PAM: variants seen among roughly 807,000 people sequenced by gnomAD.
PAM encodes the protein peptidylglycine alpha-amidating monooxygenase, also known as peptidyl-glycine alpha-amidating monooxygenase.
In PAM, 72 loss-of-function variants were observed where a neutral mutation model predicts 122.1. That is an observed-to-expected ratio of 0.59 (90% CI 0.49 to 0.72). PAM has a LOEUF of 0.72. PAM is among the 30% of genes least tolerant of loss of function. PAM has a pLI of 0.00. For synonymous variants in PAM, 389 were observed against 404.4 expected, an observed-to-expected ratio of 0.96 and a Z score of 0.46; for missense variants, 1,106 against 1,183.7, an observed-to-expected ratio of 0.93 and a Z score of 0.96.
chr5:102,837,520 A>G lies in PAM; in HGVS notation c.-373-28303A>G, dbSNP rs553835141. Among the ~76,000 whole-genome samples, 3 of 152,344 alleles carry G rather than the reference A, an allele frequency of 2.0e-5. No homozygotes were observed. The South Asian group carries it at 6.2e-4, about 32-fold the overall frequency. On this transcript the variant is annotated intron_variant, in intron 1 of 25. Transcript: ENST00000438793. ...CTTTTATGATAACTTCAACCCACAA[A>G]TATTTCCTCTCCTTTCTGATACCTA...
In PAM at chr5:102,774,533, C is replaced by T. The variant is rs115210658; in HGVS notation, c.-374+19185C>T. ...ATGGAATTAGAAAGCAGATAGAAAG[C>T]AGACATACAACAGTAAAAGCCATGT... On this transcript the variant is annotated intron_variant, in intron 1 of 25. Transcript: ENST00000438793. Among the ~76,000 whole-genome samples the T allele has an allele frequency of 6.3e-3, 955 of 152,158 alleles. 6 individuals are homozygous for T. Among genetic ancestry groups the T allele is most frequent in the African/African-American group, 0.021 (867 of 41,542 alleles).
chr5:102,822,716 C>A (rs1485495285), intron 1 of PAM, among the ~76,000 whole-genome samples: 2 of 152,148 alleles, frequency 1.3e-5, no homozygotes, highest in South Asian at 4.1e-4. Context: ...AAGGAAGGGG[C>A]AGCAGGGAAG....
chr5:102,950,847 A>G (rs1758630863), intron 12 of PAM, 27 bp downstream of exon 12: 1 of 1,315,550 alleles, frequency 7.6e-7, no homozygotes, highest in South Asian at 1.2e-5. Context: ...TCCACTATTT[A>G]AAGATATTTT....
At position 102,852,272 on chromosome 5, in the gene PAM, CTTTAT is replaced by C. The variant is rs540420708; in HGVS notation, c.-373-13547_-373-13543del. Among the ~76,000 whole-genome samples the C allele has an allele frequency of 1.1e-3, 164 of 152,150 alleles. 1 individual carries two copies. The highest frequency in any genetic ancestry group is 3.7e-3 in the African/African-American group (153 of 41,512). On this transcript the variant is annotated intron_variant, in intron 1 of 25. Transcript: ENST00000438793. ...ATGGGGACTACTGATTATTTTAAAGCTTTATTTTGTCAATGGAATTTTACAGGTTT... is the reference window on the plus strand; with the variant it reads ...ATGGGGACTACTGATTATTTTAAAGCTTTGTCAATGGAATTTTACAGGTTT...
intron 1 of PAM, among the ~76,000 whole-genome samples, chr5:102,849,383 C>T (rs1780780862): frequency 1.3e-5 from 2 of 151,776 alleles, no homozygotes; most frequent in South Asian, 2.1e-4. Flanking sequence ...ACAGTGAAAC[C>T]CTGTCTCTAC....
intron 15 of PAM, among the ~76,000 whole-genome samples, chr5:102,979,577 G>A (rs907452702): frequency 6.6e-5 from 10 of 152,052 alleles, no homozygotes; most frequent in Admixed American, 3.3e-4. Context: ...GAAGAGCCTT[G>A]TTACACTGAA....
rs575832426 is a variant in PAM at position 102,782,182 on chromosome 5, C to T, written c.-374+26834C>T. ...TGTTTTCTTCAAAGAGTAAATCATA[C>T]CTCACACTTCTCCAACATTTACACC... On this transcript the variant is annotated intron_variant, in intron 1 of 25. Coordinates refer to ENST00000438793, the MANE Select transcript of PAM (RefSeq NM_001177306.2). Among the ~76,000 whole-genome samples, 6 of 152,330 alleles carry T rather than the reference C, an allele frequency of 3.9e-5. No individual in the cohort carries two copies. The South Asian group carries it at 1.2e-3, about 32-fold the overall frequency.
intron 3 of PAM, among the ~76,000 whole-genome samples, chr5:102,879,414 G>A (rs114532441): frequency 9.0e-4 from 137 of 152,262 alleles, no homozygotes; most frequent in African/African-American, 3.2e-3. Flanking sequence ...CCCTGCCTAA[G>A]TCTCATGTCA....
chr5:102,925,208 G>C lies in PAM; in HGVS notation c.442+166G>C, dbSNP rs189786472. Among the ~76,000 whole-genome samples the C allele has an allele frequency of 5.1e-3, 770 of 152,282 alleles. 5 individuals are homozygous for C. The highest frequency in any genetic ancestry group is 0.018 in the African/African-American group (731 of 41,556). Reference sequence around the variant, plus strand: ...TTTTGTATTGAAAAGGTTTCATTTAGGTAGTTACTCTTTTTCTGCCTCTCT... The same window carrying C: ...TTTTGTATTGAAAAGGTTTCATTTACGTAGTTACTCTTTTTCTGCCTCTCT... On this transcript the variant is annotated intron_variant, in intron 6 of 25. Transcript: ENST00000438793.
At chr5:102,970,621 A>G (rs931139830) in intron 14 of PAM, among the ~76,000 whole-genome samples, 1 of 152,164 alleles carries the variant, frequency 6.6e-6, no homozygotes, top group African/African-American at 2.4e-5. Context: ...TTCTGGAGGA[A>G]TGGCATTCAG....
At chr5:102,945,233 T>C (rs2151934931) in intron 7 of PAM, among the ~76,000 whole-genome samples, 1 of 152,164 alleles carries the variant, frequency 6.6e-6, no homozygotes, top group South Asian at 2.1e-4. Flanking sequence ...TAGATTTTAC[T>C]TCTCTTAGAC....
At chr5:102,797,923 A>C (rs1418633925) in intron 1 of PAM, among the ~76,000 whole-genome samples, 1 of 152,164 alleles carries the variant, frequency 6.6e-6, no homozygotes, top group East Asian at 1.9e-4. Context: ...CTTGAAATTC[A>C]TACAGTATAT....
At chr5:102,963,004 C>T (rs1762950661) in intron 14 of PAM, among the ~76,000 whole-genome samples, 1 of 151,666 alleles carries the variant, frequency 6.6e-6, no homozygotes, top group Non-Finnish European at 1.5e-5. Flanking sequence ...AGGTATTTAA[C>T]TTGAGAATAA....
chr5:102,763,477 T>C (rs1752994270), intron 1 of PAM, among the ~76,000 whole-genome samples: 1 of 152,028 alleles, frequency 6.6e-6, no homozygotes, highest in Non-Finnish European at 1.5e-5. Flanking sequence ...CAATCCCTAA[T>C]AAAATTTACA....
At chr5:102,786,906 G>C (rs749938960) in intron 1 of PAM, among the ~76,000 whole-genome samples, 3 of 151,978 alleles carry the variant, frequency 2.0e-5, no homozygotes, top group Non-Finnish European at 4.4e-5. Context: ...CCAAGCAAAG[G>C]CTGATTATAA....
chr5:102,908,449 G>A (rs1362416377), intron 4 of PAM, among the ~76,000 whole-genome samples: 3 of 151,474 alleles, frequency 2.0e-5, no homozygotes, highest in Admixed American at 6.6e-5. Flanking sequence ...TTGACTTGGC[G>A]ATGCAGGCTC....
At chr5:102,840,346 T>C (rs1011320601) in intron 1 of PAM, among the ~76,000 whole-genome samples, 3 of 152,158 alleles carry the variant, frequency 2.0e-5, no homozygotes, top group Non-Finnish European at 4.4e-5. Flanking sequence ...ATTATGATTA[T>C]TTTGTCTTGT....
intron 16 of PAM, among the ~76,000 whole-genome samples, chr5:103,000,820 A>T (rs1241136721): frequency 1.3e-5 from 2 of 152,162 alleles, no homozygotes; most frequent in African/African-American, 4.8e-5. Context: ...GAAAGGGGGT[A>T]ACCACCCCAT....
intron 12 of PAM, among the ~76,000 whole-genome samples, chr5:102,955,061 T>G (rs1407911032): frequency 6.6e-6 from 1 of 152,070 alleles, no homozygotes; most frequent in South Asian, 2.1e-4. Context: ...TTCTTTGAAG[T>G]TTTTATATTT....
Sources: gnomAD v4.1 joint callset for allele counts (sites outside exome capture counted in the v4.1 genomes callset) on GRCh38, gnomAD v4.1.1 for gene constraint, MANE v1.5 for transcripts, NCBI Gene and HGNC (gene_info 2026-07-23, HGNC 2026-07-21) for gene names.